Variants in SLC29A3 observed in about 807,000 individuals in gnomAD.
The protein encoded by SLC29A3 is solute carrier family 29 member 3.
SLC29A3 carries 18 observed loss-of-function variants against 25.4 expected under a neutral mutation model. That is an observed-to-expected ratio of 0.71 (90% CI 0.49 to 1.05). The LOEUF (loss-of-function observed/expected upper bound fraction) is 1.05. Ranked by LOEUF, SLC29A3 falls within the 50% of genes least tolerant of loss-of-function variation. The probability of loss-of-function intolerance (pLI) is 0.00; values close to 1 mark genes in which losing one functional copy is unlikely to be tolerated. For synonymous variants in SLC29A3, 258 were observed against 267.1 expected (o/e 0.97, Z 0.33); for missense variants, 586 against 609.0 (o/e 0.96, Z 0.40).
rs1021250312 is a variant in SLC29A3, at chr10:71,344,238, C to G, written c.330C>G (p.Ala110=). 6 of 1,614,050 alleles carry G rather than the reference C, an allele frequency of 3.7e-6. No homozygotes were observed. The highest frequency in any genetic ancestry group is 3.3e-5 in the Admixed American group (2 of 60,008). ...ACTTTGAGAGCTACCTTGCCGTTGC[C>G]TCCACCGTGCCCTCCATGCTGTGCC... ...LNYFESYLAV[A]STVPSMLCLV... Residue 110 remains alanine (A), a synonymous_variant, in exon 3 of 6, where the codon GCC becomes GCG. Transcript: ENST00000373189.
intron 2 of SLC29A3, among the ~76,000 whole-genome samples, chr10:71,334,048 C>G (rs1000300201): frequency 1.3e-5 from 2 of 152,234 alleles, no homozygotes; most frequent in Non-Finnish European, 2.9e-5. Context: ...CTTGCTCACC[C>G]TGCCTGGCAG....
chr10:71,343,212 C>T (rs1335747259), intron 2 of SLC29A3, among the ~76,000 whole-genome samples: 1 of 152,192 alleles, frequency 6.6e-6, no homozygotes, highest in Non-Finnish European at 1.5e-5. Flanking sequence ...GCCATCCTCC[C>T]ACCTTGGCCT....
At chr10:71,368,897 A>G (rs962446983) in intron 3 of SLC29A3, among the ~76,000 whole-genome samples, 1 of 152,218 alleles carries the variant, frequency 6.6e-6, no homozygotes, top group Non-Finnish European at 1.5e-5. Context: ...ATGATGATAT[A>G]CTGGCAATGC....
chr10:71,348,787 T>C, intron 3 of SLC29A3, among the ~76,000 whole-genome samples: 1 of 152,138 alleles, frequency 6.6e-6, no homozygotes, highest in East Asian at 1.9e-4. Context: ...ATGGGCATCT[T>C]AATGCAAGGT....
chr10:71,322,652 T>G, intron 1 of SLC29A3, 104 bp from the exon 2 acceptor site: 2 of 1,352,422 alleles, frequency 1.5e-6, no homozygotes, highest in Non-Finnish European at 2.1e-6. Context: ...GAGCCCAGGG[T>G]GAGGGGGCAT....
At chr10:71,320,495 A>T (rs1845823792) in intron 1 of SLC29A3, among the ~76,000 whole-genome samples, 1 of 152,140 alleles carries the variant, frequency 6.6e-6, no homozygotes, top group South Asian at 2.1e-4. Flanking sequence ...CCTGGCTTGC[A>T]GACAGCCTCC....
intron 3 of SLC29A3, among the ~76,000 whole-genome samples, chr10:71,346,259 G>A (rs1456600376): frequency 6.6e-6 from 1 of 152,222 alleles, no homozygotes; most frequent in Non-Finnish European, 1.5e-5. Context: ...CCAATTAACA[G>A]TAGCACTTCT....
In SLC29A3 at chr10:71,356,032, C is replaced by T. The variant is rs745439065; in HGVS notation, c.611-49C>T. On this transcript the variant is annotated intron_variant, in intron 4 of 5. Coordinates refer to ENST00000373189, the MANE Select transcript of SLC29A3 (RefSeq NM_018344.6). The stretch of plus-strand genomic sequence containing the variant: ...AAGCAGGGAGGGGCCCGCAGCCACT[C>T]CTCCTCGCCCACCCCTCACCATCTC... 59 of 1,607,674 alleles carry T rather than the reference C, an allele frequency of 3.7e-5. 2 individuals carry two copies. Among genetic ancestry groups the T allele is most frequent in the South Asian group, 3.5e-4 (32 of 90,960 alleles).
chr10:71,329,918 G>A (rs1846080912), intron 2 of SLC29A3, among the ~76,000 whole-genome samples: 1 of 152,214 alleles, frequency 6.6e-6, no homozygotes, highest in Non-Finnish European at 1.5e-5. Flanking sequence ...CAGTGAAGGG[G>A]ACAGTTTCCC....
intron 5 of SLC29A3, among the ~76,000 whole-genome samples, chr10:71,358,635 GC>G (rs1224714814): frequency 2.6e-5 from 4 of 152,212 alleles, no homozygotes; most frequent in African/African-American, 9.6e-5. Flanking sequence ...CAGGAGGGTC[GC>G]CCCACTCCTT....
chr10:71,330,779 G>A (rs959818945), intron 2 of SLC29A3, among the ~76,000 whole-genome samples: 3 of 152,122 alleles, frequency 2.0e-5, no homozygotes, highest in South Asian at 2.1e-4. Flanking sequence ...ACTGCTAAGG[G>A]CACAGATTCA....
intron 2 of SLC29A3, among the ~76,000 whole-genome samples, chr10:71,340,244 A>G (rs887074956): frequency 2.0e-4 from 30 of 152,154 alleles, no homozygotes; most frequent in Admixed American, 1.3e-4. Flanking sequence ...CTCTGGTTCT[A>G]TAAGGCCCAC....
chr10:71,339,931 G>A (rs879844783), intron 2 of SLC29A3, among the ~76,000 whole-genome samples: 1 of 152,116 alleles, frequency 6.6e-6, no homozygotes, highest in Admixed American at 6.5e-5. Context: ...GCACGCAGGT[G>A]CCACAGCTCC....
chr10:71,341,239 T>C (rs1274465215), intron 2 of SLC29A3, among the ~76,000 whole-genome samples: 1 of 152,156 alleles, frequency 6.6e-6, no homozygotes, highest in East Asian at 1.9e-4. Context: ...GTGGCAGTGG[T>C]GGCAGCAGTG....
At chr10:71,328,935 C>T (rs1351273802) in intron 2 of SLC29A3, among the ~76,000 whole-genome samples, 1 of 152,214 alleles carries the variant, frequency 6.6e-6, no homozygotes, top group East Asian at 1.9e-4. Context: ...TACTTGGGAT[C>T]TGCCCTTGAA....
intron 3 of SLC29A3, among the ~76,000 whole-genome samples, chr10:71,349,673 C>T (rs1200745451): frequency 2.0e-5 from 3 of 152,016 alleles, no homozygotes; most frequent in Non-Finnish European, 4.4e-5. Flanking sequence ...GGCCCCACAC[C>T]CCGCCCTCCT....
At chr10:71,324,130 A>G (rs879831595) in intron 2 of SLC29A3, among the ~76,000 whole-genome samples, 1 of 152,198 alleles carries the variant, frequency 6.6e-6, no homozygotes, top group Non-Finnish European at 1.5e-5. Flanking sequence ...AACTCTGAAG[A>G]GGAGATGGGG....
Position 71,351,689 on chromosome 10 carries a change from T to C in SLC29A3, c.511T>C (p.Cys171Arg). 1 of 1,614,150 alleles carries C rather than the reference T, an allele frequency of 6.2e-7. No homozygotes were observed. Residue 171 changes from cysteine to arginine, a missense_variant, in exon 4 of 6, where the codon TGC (cysteine) becomes CGC (arginine). Cys to Arg is a radical substitution (Grantham distance 180). Transcript: ENST00000373189. ...TRGFFAVTIVCMVILSGASTV... is the reference protein window; with the variant it reads ...TRGFFAVTIVRMVILSGASTV... ...TGGCTTTTTTGCGGTCACCATTGTC[T>C]GCATGGTGATCCTCAGCGGTGCCTC...
chr10:71,355,157 G>A (rs1052429601), intron 4 of SLC29A3, among the ~76,000 whole-genome samples: 7 of 152,244 alleles, frequency 4.6e-5, no homozygotes, highest in African/African-American at 1.7e-4. Context: ...CAGGGCAGGG[G>A]TTGTTATTCC....
Sources: gnomAD v4.1 joint callset for allele counts (sites outside exome capture counted in the v4.1 genomes callset) on GRCh38, gnomAD v4.1.1 for gene constraint, MANE v1.5 for transcripts, NCBI Gene and HGNC (gene_info 2026-07-23, HGNC 2026-07-21) for gene names.